Variants in MYOF observed in about 807,000 individuals in gnomAD.
The protein encoded by MYOF is fer-1-like 3, myoferlin.
A neutral mutation model predicts 284.2 loss-of-function variants in MYOF; 244 were observed. The ratio of observed to expected loss-of-function variants is 0.86; its 90% CI spans 0.77 to 0.95. MYOF has a LOEUF of 0.95. Ranked by LOEUF, MYOF falls within the 40% of genes least tolerant of loss-of-function variation. The pLI is 0.00. For missense variants in MYOF, 2,496 were observed against 2,560.6 expected, an observed-to-expected ratio of 0.97 and a Z score of 0.54; for synonymous variants, 904 against 919.7, an observed-to-expected ratio of 0.98 and a Z score of 0.31.
At position 93,451,688 on chromosome 10, in the gene MYOF, G is replaced by C. The variant is rs1238215797; in HGVS notation, c.236+362C>G. On this transcript the variant is annotated intron_variant, in intron 3 of 53. Coordinates refer to ENST00000359263, the MANE Select transcript of MYOF (RefSeq NM_013451.4). ...ATGTATAGGCCACAAATAATCAGAA[G>C]AAGTGATTTGGGTTGTATCCAATAT... Among the ~76,000 whole-genome samples the C allele has an allele frequency of 2.0e-5, 3 of 152,294 alleles. No homozygotes were observed. The South Asian group carries it at 6.2e-4, about 32-fold the overall frequency.
At position 93,370,311 on chromosome 10, in the gene MYOF, CTAATTTT is replaced by C. The variant is rs1216826987; in HGVS notation, c.2458-542_2458-536del. Among the ~76,000 whole-genome samples, 11 of 108,262 alleles carry C rather than the reference CTAATTTT, an allele frequency of 1.0e-4. 1 individual carries two copies. Among genetic ancestry groups the C allele is most frequent in the African/African-American group, 2.1e-4 (4 of 18,968 alleles). 71.0% of individuals were successfully genotyped at this position (108,262 alleles called of 152,430 possible). A position where few individuals can be genotyped will look rare whatever the true frequency, so the allele number is the denominator to read the frequency against. Reference sequence around the variant, plus strand: ...TCTGTTGATCAAGCAGTAATGATTACTAATTTTTTTTTTTTTTTTTTTTTGAGACAGA... The same window carrying C: ...TCTGTTGATCAAGCAGTAATGATTACTTTTTTTTTTTTTTTTTGAGACAGA... On this transcript the variant is annotated intron_variant, in intron 24 of 53. Coordinates refer to ENST00000359263, the MANE Select transcript of MYOF (RefSeq NM_013451.4).
chr10:93,358,311 G>A (rs1020113813), intron 29 of MYOF, among the ~76,000 whole-genome samples: 5 of 152,202 alleles, frequency 3.3e-5, no homozygotes, highest in Non-Finnish European at 7.3e-5. Flanking sequence ...AGATGATGGT[G>A]AGGCTGTGGA....
intron 5 of MYOF, among the ~76,000 whole-genome samples, chr10:93,424,619 A>G (rs1848501423): frequency 1.3e-5 from 2 of 152,180 alleles, no homozygotes; most frequent in Admixed American, 1.3e-4. Flanking sequence ...TGCTGGGGCC[A>G]TCTCAGTCTT....
chr10:93,310,477 G>T, intron 52 of MYOF, 57 bp downstream of exon 52: 2 of 1,540,450 alleles, frequency 1.3e-6, no homozygotes, highest in South Asian at 1.1e-5. Flanking sequence ...CCAATGGGAA[G>T]GGGGGCTCTC....
chr10:93,321,809 A>G (rs538286883), intron 48 of MYOF, among the ~76,000 whole-genome samples: 1 of 152,352 alleles, frequency 6.6e-6, no homozygotes, highest in Admixed American at 6.5e-5. Context: ...ATGTATATGT[A>G]TAGCTTGGTA....
At chr10:93,393,934 A>G (rs1846825874) in intron 16 of MYOF, among the ~76,000 whole-genome samples, 1 of 152,220 alleles carries the variant, frequency 6.6e-6, no homozygotes, top group Non-Finnish European at 1.5e-5. Context: ...GCAACCATAT[A>G]AATATTCTCT....
intron 35 of MYOF, 26 bp from the exon 36 acceptor site, chr10:93,349,995 G>A (rs1305808173): frequency 6.2e-7 from 1 of 1,605,974 alleles, no homozygotes; most frequent in Non-Finnish European, 8.5e-7. Context: ...AAAGAGAGGG[G>A]AAGGTAACTC....
chr10:93,435,251 C>G (rs1385910585), intron 3 of MYOF, among the ~76,000 whole-genome samples: 2 of 152,282 alleles, frequency 1.3e-5, no homozygotes, highest in East Asian at 3.9e-4. Context: ...AATCTTAGAA[C>G]AAACAGTGCA....
intron 1 of MYOF, 60 bp downstream of exon 1, chr10:93,482,047 G>A (rs2057389948): frequency 1.4e-6 from 2 of 1,471,724 alleles, no homozygotes; most frequent in African/African-American, 1.4e-5. Flanking sequence ...TCAAGAAGGT[G>A]ACTCAAGAAA....
At chr10:93,457,981 T>C (rs1399560227) in intron 1 of MYOF, among the ~76,000 whole-genome samples, 1 of 151,412 alleles carries the variant, frequency 6.6e-6, no homozygotes, top group Non-Finnish European at 1.5e-5. Context: ...TGAGCTCAAG[T>C]GATCCACCTG....
intron 1 of MYOF, among the ~76,000 whole-genome samples, chr10:93,480,027 C>G (rs1034043250): frequency 6.6e-6 from 1 of 152,174 alleles, no homozygotes; most frequent in Non-Finnish European, 1.5e-5. Context: ...TCCAATTCCT[C>G]TATAATCTAT....
At position 93,316,775 on chromosome 10, in the gene MYOF, G is replaced by C; in HGVS notation, c.5637C>G (p.Ile1879Met). 4.3e-6 allele frequency: 7 copies of C among 1,613,928 alleles called. No individual in the cohort carries two copies. Among genetic ancestry groups the C allele is most frequent in the Non-Finnish European group, 5.9e-6 (7 of 1,179,938 alleles). Residue 1879 changes from isoleucine to methionine, a missense_variant, in exon 50 of 54, where the codon ATC becomes ATG. Ile to Met is a conservative substitution (Grantham distance 10). Transcript: ENST00000359263. ...ATATCTGAATGATCAGCCTGGGTGG[G>C]ATTCGAAATTCCGTTTGGTCAATAC... ...FWSIDQTEFRIPPRLIIQIWD... is the reference protein window; with the variant it reads ...FWSIDQTEFRMPPRLIIQIWD...
At chr10:93,358,809 C>T (rs575667635) in intron 29 of MYOF, among the ~76,000 whole-genome samples, 5 of 151,940 alleles carry the variant, frequency 3.3e-5, no homozygotes, top group Non-Finnish European at 5.9e-5. Flanking sequence ...GTGGAGGGAG[C>T]GCATCAGGAT....
intron 1 of MYOF, among the ~76,000 whole-genome samples, chr10:93,464,817 A>C (rs2056966044): frequency 6.6e-6 from 1 of 152,168 alleles, no homozygotes; most frequent in Non-Finnish European, 1.5e-5. Flanking sequence ...GCTCTTCGGT[A>C]GACAAAATAG....
At chr10:93,408,128 C>A (rs1259858183) in intron 7 of MYOF, among the ~76,000 whole-genome samples, 1 of 152,118 alleles carries the variant, frequency 6.6e-6, no homozygotes, top group Non-Finnish European at 1.5e-5. Flanking sequence ...CCCGTCTCAG[C>A]CTCTTGAGTG....
At chr10:93,348,659 C>T (rs148677459) in intron 36 of MYOF, among the ~76,000 whole-genome samples, 1,786 of 146,216 alleles carry the variant, frequency 0.012, 12 homozygotes, top group Non-Finnish European at 0.018. Flanking sequence ...GGTGGCTCGC[C>T]GTCTGTCGCA....
At chr10:93,315,981 T>A (rs993888600) in intron 50 of MYOF, among the ~76,000 whole-genome samples, 17 of 149,364 alleles carry the variant, frequency 1.1e-4, no homozygotes, top group Admixed American at 8.0e-4. Context: ...AAAAAAAAAA[T>A]TAGCCAGGTT....
Position 93,313,216 on chromosome 10 carries a change from C to T in MYOF, c.5699-6G>A. The T allele has an allele frequency of 5.0e-6, 8 of 1,610,932 alleles. No individual in the cohort carries two copies. Among genetic ancestry groups the T allele is most frequent in the Non-Finnish European group, 6.8e-6 (8 of 1,178,390 alleles). On this transcript the variant is annotated splice_polypyrimidine_tract_variant and splice_region_variant and intron_variant, in intron 50 of 53. Transcript: ENST00000359263. ...CAAGTCAAGTTCTAGGAAACCTAGC[C>T]AAGGAAACAACAGTAAGTCCAAATG... is the stretch of plus-strand genomic sequence containing the variant.
chr10:93,402,718 C>A, intron 10 of MYOF, 142 bp downstream of exon 10: 1 of 693,790 alleles, frequency 1.4e-6, no homozygotes, highest in South Asian at 2.4e-5. Context: ...TCTCCTCTCC[C>A]TCATTAAGAA....
Sources: gnomAD v4.1 joint callset for allele counts (sites outside exome capture counted in the v4.1 genomes callset) on GRCh38, gnomAD v4.1.1 for gene constraint, MANE v1.5 for transcripts, NCBI Gene and HGNC (gene_info 2026-07-23, HGNC 2026-07-21) for gene names.